Variants in SORCS1 observed in about 807,000 individuals in gnomAD.
SORCS1 encodes sortilin related VPS10 domain containing receptor 1, also known as VPS10 domain-containing receptor SorCS1.
In SORCS1, 60 loss-of-function variants were observed where a neutral mutation model predicts 146.1. The observed-to-expected ratio is 0.41, with a 90% CI of 0.33 to 0.51. The LOEUF (loss-of-function observed/expected upper bound fraction) is 0.51. Among genes scored for constraint, SORCS1 ranks in the 20% least tolerant of loss-of-function variants. SORCS1 has a pLI of 0.21. For synonymous variants in SORCS1, 637 were observed against 584.0 expected (o/e 1.09, Z -1.31); for missense variants, 1,352 against 1,487.6 (o/e 0.91, Z 1.50).
chr10:106,910,283 T>TTGTGTGTGTGTGTG (rs141789814), intron 2 of SORCS1, among the ~76,000 whole-genome samples: 46 of 146,124 alleles, frequency 3.1e-4, no homozygotes, highest in African/African-American at 9.6e-4. Flanking sequence ...TCTCTTTACA[T>TTGTGTGTGTGTGTG]TGTGTGTGTG....
chr10:106,841,630 T>C (rs1297930925), intron 2 of SORCS1, among the ~76,000 whole-genome samples: 1 of 152,240 alleles, frequency 6.6e-6, no homozygotes, highest in African/African-American at 2.4e-5. Context: ...ATTGCAGTTG[T>C]CTGGAATCAA....
At chr10:106,608,173 T>C (rs1258729988) in intron 22 of SORCS1, among the ~76,000 whole-genome samples, 1 of 152,208 alleles carries the variant, frequency 6.6e-6, no homozygotes. Context: ...TTCCCAATGC[T>C]AACAGGATTA....
intron 2 of SORCS1, among the ~76,000 whole-genome samples, chr10:106,894,028 GA>G (rs994311105): frequency 1.3e-5 from 2 of 151,794 alleles, no homozygotes; most frequent in Non-Finnish European, 2.9e-5. Context: ...CTTCTTAAAA[GA>G]AAAAAAATAC....
intron 3 of SORCS1, among the ~76,000 whole-genome samples, chr10:106,803,279 T>A (rs1174938053): frequency 3.9e-5 from 6 of 152,212 alleles, no homozygotes; most frequent in Non-Finnish European, 5.9e-5. Context: ...GGTAACAAAA[T>A]TATTCATTTA....
At chr10:106,981,365 G>T (rs1341819962) in intron 1 of SORCS1, among the ~76,000 whole-genome samples, 3 of 152,144 alleles carry the variant, frequency 2.0e-5, no homozygotes, top group Non-Finnish European at 1.5e-5. Flanking sequence ...TGCTGAGCTT[G>T]TTGCACCTGG....
intron 1 of SORCS1, among the ~76,000 whole-genome samples, chr10:107,024,630 G>A (rs564820988): frequency 7.3e-4 from 111 of 152,234 alleles, no homozygotes; most frequent in African/African-American, 2.6e-3. Flanking sequence ...TAGGCTTTGA[G>A]AGGTAGTAGC....
chr10:106,592,716 G>C (rs142083060), intron 24 of SORCS1, among the ~76,000 whole-genome samples: 1 of 151,334 alleles, frequency 6.6e-6, no homozygotes. Context: ...GGGGGGATGA[G>C]AGAAAGAGAA....
chr10:106,589,360 T>G (rs1223856844), intron 24 of SORCS1, among the ~76,000 whole-genome samples: 14 of 152,158 alleles, frequency 9.2e-5, no homozygotes, highest in Admixed American at 9.2e-4. Flanking sequence ...GGTTTTCAAG[T>G]CATTTCCCAC....
intron 1 of SORCS1, among the ~76,000 whole-genome samples, chr10:106,972,742 G>T (rs1332474505): frequency 6.6e-6 from 1 of 152,148 alleles, no homozygotes; most frequent in Non-Finnish European, 1.5e-5. Context: ...ATTACTATGG[G>T]AATAAAGAGA....
At chr10:106,909,945 T>C (rs1357808326) in intron 2 of SORCS1, among the ~76,000 whole-genome samples, 2 of 152,182 alleles carry the variant, frequency 1.3e-5, no homozygotes, top group South Asian at 2.1e-4. Flanking sequence ...GAAGAATCCA[T>C]GTTGTATATC....
chr10:106,718,195 G>A (rs1181470451), intron 6 of SORCS1, among the ~76,000 whole-genome samples: 1 of 152,202 alleles, frequency 6.6e-6, no homozygotes, highest in Admixed American at 6.5e-5. Context: ...CTGGCTGTGT[G>A]TTTTGCGAGA....
chr10:106,963,407 A>G (rs1841112126), intron 1 of SORCS1, among the ~76,000 whole-genome samples: 1 of 151,834 alleles, frequency 6.6e-6, no homozygotes, highest in Non-Finnish European at 1.5e-5. Flanking sequence ...GAGGCACCGC[A>G]CCCGGCCAGA....
At chr10:106,912,488 A>G (rs1160920740) in intron 2 of SORCS1, among the ~76,000 whole-genome samples, 1 of 152,184 alleles carries the variant, frequency 6.6e-6, no homozygotes, top group Non-Finnish European at 1.5e-5. Flanking sequence ...GCATTTCAAT[A>G]GGTATCCCAG....
At chr10:106,804,871 T>C (rs1428043170) in intron 3 of SORCS1, among the ~76,000 whole-genome samples, 12 of 152,198 alleles carry the variant, frequency 7.9e-5, no homozygotes, top group Non-Finnish European at 1.6e-4. Context: ...TTACATAGGA[T>C]ATAAGCGCAC....
chr10:106,900,579 C>T (rs572149328), intron 2 of SORCS1, among the ~76,000 whole-genome samples: 7 of 152,170 alleles, frequency 4.6e-5, no homozygotes, highest in Non-Finnish European at 8.8e-5. Flanking sequence ...GACTCCTACA[C>T]TTTCACAGTG....
chr10:106,612,503 A>G (rs762162170), intron 21 of SORCS1, among the ~76,000 whole-genome samples: 2 of 150,800 alleles, frequency 1.3e-5, no homozygotes, highest in Non-Finnish European at 2.9e-5. Context: ...CATTCATGAT[A>G]TAGACAGGGA....
chr10:106,622,440 A>G (rs1196994217), intron 19 of SORCS1, among the ~76,000 whole-genome samples: 3 of 152,168 alleles, frequency 2.0e-5, no homozygotes, highest in Non-Finnish European at 4.4e-5. Flanking sequence ...TTCATACACA[A>G]AGACTAGCAG....
At chr10:106,630,343 T>C (rs564257316) in intron 18 of SORCS1, among the ~76,000 whole-genome samples, 4 of 152,312 alleles carry the variant, frequency 2.6e-5, no homozygotes, top group Non-Finnish European at 4.4e-5. Flanking sequence ...TAGTCTAGTC[T>C]GGAGAGAGGA....
intron 1 of SORCS1, among the ~76,000 whole-genome samples, chr10:107,117,967 T>C (rs1966146191): frequency 6.6e-6 from 1 of 152,140 alleles, no homozygotes. Flanking sequence ...ATGGAATGAA[T>C]GTATTTTTCA....
Sources: gnomAD v4.1 joint callset for allele counts (sites outside exome capture counted in the v4.1 genomes callset) on GRCh38, gnomAD v4.1.1 for gene constraint, MANE v1.5 for transcripts, NCBI Gene and HGNC (gene_info 2026-07-23, HGNC 2026-07-21) for gene names.